WWOX: variants seen among roughly 807,000 people sequenced by gnomAD.
WWOX encodes WW domain containing oxidoreductase.
In WWOX, 69 loss-of-function variants were observed where a neutral mutation model predicts 46.2. The ratio of observed to expected loss-of-function variants is 1.49; its 90% CI spans 1.23 to 1.82. WWOX has a LOEUF of 1.82. WWOX is among the 40% of genes most tolerant of loss of function. The pLI, the probability that WWOX is intolerant of heterozygous loss-of-function variation, is 0.00. For synonymous variants in WWOX, 359 were observed against 202.6 expected (o/e 1.77, Z -6.56); for missense variants, 919 against 542.6 (o/e 1.69, Z -6.89).
intron 8 of WWOX, among the ~76,000 whole-genome samples, chr16:78,783,174 T>G (rs2142561112): frequency 6.6e-6 from 1 of 152,350 alleles, no homozygotes; most frequent in East Asian, 1.9e-4. Flanking sequence ...GGCCCATCAT[T>G]TATAATGGCT....
chr16:78,994,425 T>G (rs1159468978), intron 8 of WWOX: 17 of 152,192 alleles, frequency 1.1e-4, no homozygotes, highest in Non-Finnish European at 2.4e-4. Flanking sequence ...ACTTGCATTT[T>G]TATCGGTTCA....
intron 4 of WWOX, among the ~76,000 whole-genome samples, chr16:78,137,893 A>G (rs1363519540): frequency 6.6e-6 from 1 of 150,766 alleles, no homozygotes; most frequent in Non-Finnish European, 1.5e-5. Flanking sequence ...CTTTTTCCTT[A>G]TCCGTTTAGA....
At chr16:78,326,796 C>T (rs1358498474) in intron 5 of WWOX, among the ~76,000 whole-genome samples, 2 of 148,750 alleles carry the variant, frequency 1.3e-5, no homozygotes, top group Non-Finnish European at 3.0e-5. Flanking sequence ...GCAGATATAA[C>T]TTTAATTGTC....
At chr16:79,162,676 C>G (rs138254399) in intron 8 of WWOX, among the ~76,000 whole-genome samples, 53 of 152,274 alleles carry the variant, frequency 3.5e-4, no homozygotes, top group African/African-American at 1.3e-3. Context: ...CTCAACAGAT[C>G]ATGCCAAGGT....
chr16:78,422,994 T>G (rs543718121), intron 6 of WWOX, among the ~76,000 whole-genome samples: 1 of 151,810 alleles, frequency 6.6e-6, no homozygotes, highest in Admixed American at 6.6e-5. Context: ...CAAGTGATTC[T>G]CCTGCCTTAG....
chr16:79,208,271 TGTC>T (rs1203531066), intron 8 of WWOX, among the ~76,000 whole-genome samples: 5 of 152,178 alleles, frequency 3.3e-5, no homozygotes, highest in African/African-American at 1.2e-4. Context: ...CTCAGTCCTG[TGTC>T]GTCAACAACC....
chr16:78,643,963 C>G (rs770175281), intron 8 of WWOX, among the ~76,000 whole-genome samples: 1 of 152,172 alleles, frequency 6.6e-6, no homozygotes, highest in Non-Finnish European at 1.5e-5. Flanking sequence ...TGGCTCACGC[C>G]TGTAATCCCA....
intron 8 of WWOX, among the ~76,000 whole-genome samples, chr16:79,127,875 A>G (rs1214900936): frequency 1.3e-5 from 2 of 152,234 alleles, no homozygotes; most frequent in Non-Finnish European, 1.5e-5. Flanking sequence ...GTTGGGACAC[A>G]GAAGTTAGAC....
intron 8 of WWOX, among the ~76,000 whole-genome samples, chr16:79,168,819 G>C (rs894913687): frequency 3.9e-5 from 6 of 152,092 alleles, no homozygotes; most frequent in Admixed American, 3.9e-4. Flanking sequence ...GTTGAGACCA[G>C]AATTCACTCT....
chr16:78,352,837 T>C (rs1364707074), intron 5 of WWOX, among the ~76,000 whole-genome samples: 2 of 152,314 alleles, frequency 1.3e-5, no homozygotes, highest in African/African-American at 4.8e-5. Flanking sequence ...CAGAGTTAGA[T>C]AGATCCTTCT....
At chr16:78,111,669 T>C (rs2032498584) in intron 3 of WWOX, among the ~76,000 whole-genome samples, 2 of 152,204 alleles carry the variant, frequency 1.3e-5, no homozygotes, top group African/African-American at 4.8e-5. Flanking sequence ...TCCGGAGGCC[T>C]AAACCCCTCC....
intron 8 of WWOX, among the ~76,000 whole-genome samples, chr16:79,033,691 G>A (rs1303528590): frequency 6.6e-6 from 1 of 152,142 alleles, no homozygotes; most frequent in Non-Finnish European, 1.5e-5. Context: ...CTGAAACGCT[G>A]TACCCACAGA....
chr16:78,467,727 G>A (rs79358727), intron 8 of WWOX, among the ~76,000 whole-genome samples: 2,144 of 152,176 alleles, frequency 0.014, 51 homozygotes, highest in African/African-American at 0.049. Flanking sequence ...AGGAAAAAGG[G>A]GACTGAAATT....
chr16:78,419,349 A>G (rs527667875), intron 6 of WWOX, among the ~76,000 whole-genome samples: 41 of 152,240 alleles, frequency 2.7e-4, no homozygotes, highest in African/African-American at 9.6e-4. Context: ...TTGAAAAAGA[A>G]GAGTGTTGGA....
At chr16:78,209,019 A>G (rs532087526) in intron 5 of WWOX, among the ~76,000 whole-genome samples, 71 of 152,236 alleles carry the variant, frequency 4.7e-4, no homozygotes, top group African/African-American at 1.6e-3. Flanking sequence ...GTCAATTCCT[A>G]TTGGGAATGC....
intron 8 of WWOX, among the ~76,000 whole-genome samples, chr16:78,464,020 C>G (rs762750648): frequency 1.1e-4 from 16 of 152,074 alleles, no homozygotes; most frequent in Non-Finnish European, 2.2e-4. Flanking sequence ...CTAGGACAGG[C>G]AAGGCAGTGG....
chr16:79,058,289 G>A (rs759532097), intron 8 of WWOX, among the ~76,000 whole-genome samples: 1 of 152,122 alleles, frequency 6.6e-6, no homozygotes, highest in African/African-American at 2.4e-5. Context: ...TATATAAAAT[G>A]AGAGAGAAAA....
chr16:78,456,904 C>T (rs1002457384), intron 8 of WWOX, among the ~76,000 whole-genome samples: 2 of 152,192 alleles, frequency 1.3e-5, no homozygotes, highest in Non-Finnish European at 2.9e-5. Context: ...GTTCACGTGG[C>T]GTTGGCTGAT....
intron 8 of WWOX, among the ~76,000 whole-genome samples, chr16:79,177,274 C>T (rs1201419726): frequency 6.6e-6 from 1 of 152,202 alleles, no homozygotes; most frequent in African/African-American, 2.4e-5. Context: ...ACTGTCATTT[C>T]TACACCATTT....
Sources: gnomAD v4.1 joint callset for allele counts (sites outside exome capture counted in the v4.1 genomes callset) on GRCh38, gnomAD v4.1.1 for gene constraint, MANE v1.5 for transcripts, NCBI Gene and HGNC (gene_info 2026-07-23, HGNC 2026-07-21) for gene names.